KCNAB2: variants seen among roughly 807,000 people sequenced by gnomAD.
KCNAB2 encodes the protein potassium voltage-gated channel subfamily A regulatory beta subunit 2.
KCNAB2 carries 29 observed loss-of-function variants against 63.6 expected under a neutral mutation model. The ratio of observed to expected loss-of-function variants is 0.46; its 90% CI spans 0.34 to 0.62. The LOEUF is 0.62. KCNAB2 is among the 20% of genes least tolerant of loss of function. The pLI, the probability that KCNAB2 is intolerant of heterozygous loss-of-function variation, is 0.01. For synonymous variants in KCNAB2, 222 were observed against 224.2 expected, an observed-to-expected ratio of 0.99 and a Z score of 0.09; for missense variants, 359 against 563.9, an observed-to-expected ratio of 0.64 and a Z score of 3.68.
intron 10 of KCNAB2, 29 bp downstream of exon 10, chr1:6,091,336 A>C: frequency 6.8e-7 from 1 of 1,476,488 alleles, no homozygotes; most frequent in Non-Finnish European, 9.1e-7. Context: ...CTGACTATTG[A>C]CTTCTGTGTC....
chr1:6,010,172 C>T (rs1006804056), intron 1 of KCNAB2, among the ~76,000 whole-genome samples: 16 of 152,148 alleles, frequency 1.1e-4, no homozygotes, highest in African/African-American at 3.9e-4. Context: ...CCACCGTGTC[C>T]AGTCATATGT....
intron 1 of KCNAB2, among the ~76,000 whole-genome samples, chr1:6,022,276 AT>A (rs1235443254): frequency 7.9e-5 from 12 of 151,898 alleles, no homozygotes; most frequent in African/African-American, 2.4e-4. Flanking sequence ...GTTCAGTGGT[AT>A]TGAGTGTACA....
intron 11 of KCNAB2, among the ~76,000 whole-genome samples, chr1:6,094,909 C>T (rs1444149449): frequency 6.6e-6 from 1 of 152,224 alleles, no homozygotes; most frequent in Non-Finnish European, 1.5e-5. Flanking sequence ...CTGTTAGGGT[C>T]AAGGGTTCCA....
chr1:6,004,368 A>G (rs1025315559), intron 1 of KCNAB2, among the ~76,000 whole-genome samples: 10 of 151,882 alleles, frequency 6.6e-5, no homozygotes, highest in African/African-American at 2.4e-4. Context: ...GCTTGGTTAG[A>G]GGGTTTTTAA....
Position 6,098,800 on chromosome 1 carries a change from AGGAT to A in KCNAB2, c.*228_*231del, listed in dbSNP as rs1381169266. 5.7e-6 allele frequency: 3 copies of A among 530,260 alleles called. No homozygotes were observed. In the East Asian group the frequency reaches 1.1e-4, roughly 19 times the overall value. 32.8% of individuals were successfully genotyped at this position (530,260 alleles called of 1,614,324 possible). A position where few individuals can be genotyped will look rare whatever the true frequency, so the allele number is the denominator to read the frequency against. ...GTGCCGGGGAAGGCACTGGTTAGGA[AGGAT>A]GTTCAAACGGTCCCACCCAAGCCTG... On this transcript the variant is annotated 3_prime_UTR_variant, in exon 16 of 16. Transcript: ENST00000378083.
In KCNAB2 at chr1:6,099,624, G is replaced by A; in HGVS notation, c.*1050G>A. Reference sequence around the variant, plus strand: ...CAGGCCGCTGCTCTGCACCGAGCTGGTGGGCTTGGGTTTTGTGGAGCGCAT... The same window carrying A: ...CAGGCCGCTGCTCTGCACCGAGCTGATGGGCTTGGGTTTTGTGGAGCGCAT... On this transcript the variant is annotated 3_prime_UTR_variant, in exon 16 of 16. Transcript: ENST00000378083. 1.2e-6 allele frequency: 1 copy of A among 855,156 alleles called. No homozygotes were observed. The highest frequency in any genetic ancestry group is 2.1e-5 in the South Asian group (1 of 46,622). 53.0% of individuals were successfully genotyped at this position (855,156 alleles called of 1,614,324 possible).
chr1:5,994,006 C>T lies in KCNAB2; in HGVS notation c.-53+1218C>T, dbSNP rs1031284488. ...TTGTCTGCCCTGTGTTGAACTGTGT[C>T]CAAGGGGAGATGACATAAGTAATAG... On this transcript the variant is annotated intron_variant, in intron 1 of 16. Coordinates refer to the KCNAB2 transcript ENST00000341524. This position sits in a 1 kb window ranked among gnomAD's most constrained non-coding sequence, Gnocchi z 5.4. 6.6e-6 allele frequency among the ~76,000 whole-genome samples: 1 copy of T among 152,106 alleles called. No individual in the cohort carries two copies. The highest frequency in any genetic ancestry group is 6.6e-5 in the Admixed American group (1 of 15,254).
rs1571076000 is a variant in KCNAB2 at position 6,086,098 on chromosome 1, T to C, written c.425+850T>C. 2.0e-6 allele frequency: 2 copies of C among 985,394 alleles called. No individual in the cohort carries two copies. The highest frequency in any genetic ancestry group is 2.4e-6 in the Non-Finnish European group (2 of 829,926). The allele number at this position is 985,394 out of a possible 1,614,324, so 61.0% of individuals were successfully genotyped here. A position where few individuals can be genotyped will look rare whatever the true frequency, so the allele number is the denominator to read the frequency against. On this transcript the variant is annotated intron_variant, in intron 6 of 15. Coordinates refer to ENST00000378083, the MANE Select transcript of KCNAB2 (RefSeq NM_001199862.2). This position sits in a 1 kb window ranked among gnomAD's most constrained non-coding sequence, Gnocchi z 4.2. ...CCCCAGACCCCTGGACACAGCTTTA[T>C]CTCAAGGTGCTGACAAGCCCCGGGG...
chr1:6,009,779 T>TTCC (rs1491400689), intron 1 of KCNAB2, among the ~76,000 whole-genome samples: 2 of 151,972 alleles, frequency 1.3e-5, no homozygotes. Context: ...TCCCTCTCTG[T>TTCC]CTCTCTATGT....
chr1:6,095,669 T>C lies in KCNAB2; in HGVS notation c.948+45T>C, dbSNP rs755281518. Reference sequence around the variant, plus strand: ...GGGAGGGACGGGCAGGGGATAGGCATTTTGGACGGGTGGGACCTTTGGGCC... The same window carrying C: ...GGGAGGGACGGGCAGGGGATAGGCACTTTGGACGGGTGGGACCTTTGGGCC... On this transcript the variant is annotated intron_variant, in intron 13 of 15. Transcript: ENST00000378083. The C allele has an allele frequency of 1.9e-6, 3 of 1,579,632 alleles. No individual in the cohort carries two copies. In the East Asian group the frequency reaches 6.7e-5, roughly 35 times the overall value.
intron 1 of KCNAB2, among the ~76,000 whole-genome samples, chr1:6,007,070 G>A (rs988055868): frequency 5.9e-5 from 9 of 152,270 alleles, no homozygotes; most frequent in Non-Finnish European, 8.8e-5. Context: ...GAGAGTCAGC[G>A]CTTTCTGTCC....
chr1:6,041,800 CT>C, upstream of KCNAB2: 1 of 1,604,532 alleles, frequency 6.2e-7, no homozygotes, highest in Non-Finnish European at 8.5e-7. Flanking sequence ...TCCCTTTCTC[CT>C]TTTTCTCTTT....
rs1659958109 is a variant in KCNAB2, at chr1:6,035,433, G to A, written c.-53+639G>A. 6.6e-6 allele frequency among the ~76,000 whole-genome samples: 1 copy of A among 152,206 alleles called. No individual in the cohort carries two copies. Among genetic ancestry groups the A allele is most frequent in the South Asian group, 2.1e-4 (1 of 4,834 alleles). ...GGTGGAGGTGGGCGCAGGGAATGCTGTGAGGAGCAGCATGAGAGCCGGTGG... is the reference window on the plus strand; with the variant it reads ...GGTGGAGGTGGGCGCAGGGAATGCTATGAGGAGCAGCATGAGAGCCGGTGG... On this transcript the variant is annotated intron_variant, in intron 1 of 15. Coordinates refer to the KCNAB2 transcript ENST00000164247. This position sits in a 1 kb window ranked among gnomAD's most constrained non-coding sequence, Gnocchi z 5.0.
intron 1 of KCNAB2, among the ~76,000 whole-genome samples, chr1:5,997,421 A>C (rs1052334040): frequency 2.0e-5 from 3 of 152,002 alleles, no homozygotes; most frequent in Non-Finnish European, 1.5e-5. Flanking sequence ...TCCTTGCCCT[A>C]TTCTCCCTGA....
chr1:6,091,281 C>T lies in KCNAB2; in HGVS notation c.620C>T (p.Ser207Phe). The change falls in exon 10 of 16, where the codon TCC becomes TTC. Residue 207 changes from serine to phenylalanine, a missense_variant. Coordinates refer to ENST00000378083, the MANE Select transcript of KCNAB2 (RefSeq NM_001199862.2). ...TPMEGDPFSS[S>F]KSRTFIIEET... The stretch of plus-strand genomic sequence containing the variant: ...TCACCAGGGGACCCATTTAGTTCCT[C>T]CAAGTCAAGGACATTCATCATAGAA... 6.5e-7 allele frequency: 1 copy of T among 1,534,082 alleles called. No individual in the cohort carries two copies. Among genetic ancestry groups the T allele is most frequent in the Admixed American group, 2.0e-5 (1 of 50,974 alleles).
In KCNAB2 at chr1:6,051,593, T is replaced by G. The variant is rs576750498; in HGVS notation, c.57T>G (p.Ser19=). 1 of 1,534,820 alleles carries G rather than the reference T, an allele frequency of 6.5e-7. No homozygotes were observed. Among genetic ancestry groups the G allele is most frequent in the South Asian group, 1.2e-5 (1 of 83,980 alleles). Residue 19 remains serine, a synonymous_variant, in exon 2 of 16, where the codon TCT becomes TCG. Transcript: ENST00000378083. ...GGAGCGTGAGCAGCAGGTGCCACTC[T>G]GAATGGGCCCTGCACCCCGTCCGCC... ...SLRSVSSRCH[S]EWALHPVRQT... is the part of the protein sequence containing the mutation.
chr1:6,084,566 A>G (rs1664488106), intron 5 of KCNAB2, among the ~76,000 whole-genome samples: 1 of 152,234 alleles, frequency 6.6e-6, no homozygotes, highest in South Asian at 2.1e-4. Flanking sequence ...CTGGAATCCC[A>G]GCACTTTGGG....
chr1:6,059,408 G>A (rs1662115080), intron 2 of KCNAB2, among the ~76,000 whole-genome samples: 2 of 152,074 alleles, frequency 1.3e-5, no homozygotes, highest in Admixed American at 1.3e-4. Context: ...CAGGCTAGCT[G>A]GGAACCCCTG....
rs917680761 is a variant in KCNAB2 at position 5,994,138 on chromosome 1, G to T, written c.-53+1350G>T. ...AGCTGTCCCACTGTCTGTCGTTTCA[G>T]GATTTTTTCTTTCTCTGCAACTTCT... is the stretch of plus-strand genomic sequence containing the variant. On this transcript the variant is annotated intron_variant, in intron 1 of 16. Coordinates refer to the KCNAB2 transcript ENST00000341524. This position sits in a 1 kb window ranked among gnomAD's most constrained non-coding sequence, Gnocchi z 5.4. Among the ~76,000 whole-genome samples, 4 of 152,168 alleles carry T rather than the reference G, an allele frequency of 2.6e-5. No homozygotes were observed. The highest frequency in any genetic ancestry group is 9.7e-5 in the African/African-American group (4 of 41,412).
Sources: allele counts gnomAD v4.1 joint callset (sites outside exome capture counted in the v4.1 genomes callset), GRCh38; gene constraint gnomAD v4.1.1; non-coding constraint Gnocchi (gnomAD v3.1); transcripts MANE v1.5; gene names NCBI Gene and HGNC (gene_info 2026-07-23, HGNC 2026-07-21).